Variants in UBE2O observed in about 807,000 individuals in gnomAD.
UBE2O encodes ubiquitin conjugating enzyme E2 O.
UBE2O carries 15 observed loss-of-function variants against 125.8 expected under a neutral mutation model. The observed-to-expected ratio is 0.12, with a 90% CI of 0.08 to 0.18. The LOEUF (loss-of-function observed/expected upper bound fraction) is 0.18, where lower values mean the gene tolerates loss of function less well. Ranked by LOEUF, UBE2O falls within the 10% of genes least tolerant of loss-of-function variation. The pLI is 1.00. For synonymous variants in UBE2O, 708 were observed against 703.2 expected (o/e 1.01, Z -0.11); for missense variants, 1,280 against 1,723.6 (o/e 0.74, Z 4.56).
chr17:76,407,321 C>T (rs538796747), intron 1 of UBE2O, among the ~76,000 whole-genome samples: 1 of 152,334 alleles, frequency 6.6e-6, no homozygotes, highest in Non-Finnish European at 1.5e-5. Context: ...CGTGACGGTG[C>T]CACTTTTCTA....
chr17:76,398,725 C>A lies in UBE2O; in HGVS notation c.1783+112G>T. 2.7e-6 allele frequency: 4 copies of A among 1,499,926 alleles called. No individual in the cohort carries two copies. The highest frequency in any genetic ancestry group is 3.6e-6 in the Non-Finnish European group (4 of 1,098,552). The allele number at this position is 1,499,926 out of a possible 1,614,324, so 92.9% of individuals were successfully genotyped here. ...ACCCCTTCATGAGGGCAGTCCCCTT[C>A]TGGACCTCATTTTAGCTCTGACCCC... On this transcript the variant is annotated intron_variant, in intron 10 of 17. Coordinates refer to ENST00000319380, the MANE Select transcript of UBE2O (RefSeq NM_022066.4). This position sits in a 1 kb window ranked among gnomAD's most constrained non-coding sequence, Gnocchi z 5.4.
intron 1 of UBE2O, among the ~76,000 whole-genome samples, chr17:76,450,708 G>A (rs1257188976): frequency 2.0e-5 from 3 of 151,826 alleles, no homozygotes; most frequent in Non-Finnish European, 4.4e-5. Flanking sequence ...CGCAACCTCC[G>A]CCTCCCTGGT....
At chr17:76,434,433 C>T (rs543640596) in intron 1 of UBE2O, among the ~76,000 whole-genome samples, 33 of 152,318 alleles carry the variant, frequency 2.2e-4, no homozygotes, top group African/African-American at 6.7e-4. Flanking sequence ...AATCACAGGG[C>T]ACATTTGTCT....
intron 15 of UBE2O, among the ~76,000 whole-genome samples, chr17:76,392,329 G>A (rs984907965): frequency 6.6e-6 from 1 of 151,882 alleles, no homozygotes; most frequent in Non-Finnish European, 1.5e-5. Flanking sequence ...TTTGAGACAG[G>A]GTCTTGCTGT....
chr17:76,433,532 G>C (rs1265585102), intron 1 of UBE2O, among the ~76,000 whole-genome samples: 2 of 151,350 alleles, frequency 1.3e-5, no homozygotes, highest in Non-Finnish European at 2.9e-5. Context: ...ACAACCGTTT[G>C]AGTATACTAA....
At chr17:76,441,489 A>C (rs2073074532) in intron 1 of UBE2O, among the ~76,000 whole-genome samples, 1 of 152,130 alleles carries the variant, frequency 6.6e-6, no homozygotes, top group Non-Finnish European at 1.5e-5. Context: ...GTTCATTAAC[A>C]CTGGCACTAG....
At chr17:76,415,170 C>A (rs1215823453) in intron 1 of UBE2O, among the ~76,000 whole-genome samples, 2 of 152,172 alleles carry the variant, frequency 1.3e-5, no homozygotes, top group African/African-American at 4.8e-5. Context: ...AGAGCAAGTT[C>A]ACAGCCTCAA....
intron 1 of UBE2O, among the ~76,000 whole-genome samples, chr17:76,422,969 A>G (rs2072734991): frequency 6.6e-6 from 1 of 152,248 alleles, no homozygotes. Flanking sequence ...AGGAGTGGCT[A>G]GCAATGCCTG....
Position 76,395,728 on chromosome 17 carries a change from T to C in UBE2O, c.2943A>G (p.Arg981=). 2 of 1,613,572 alleles carry C rather than the reference T, an allele frequency of 1.2e-6. No individual in the cohort carries two copies. The highest frequency in any genetic ancestry group is 1.7e-6 in the Non-Finnish European group (2 of 1,179,808). ...EGIMVKTFED[R]MDLFSALIKG... ...TGCCCATGCCAAGCCTACTTGCCAT[T>C]CTATCTTCAAAAGTCTTGACCATGA... Residue 981 remains arginine (R), a synonymous_variant, in exon 15 of 18, where the codon AGA becomes AGG. Transcript: ENST00000319380. The surrounding 1 kb of genome is among the most constrained non-coding windows in gnomAD (Gnocchi z 5.0).
At chr17:76,436,362 C>G (rs2072998432) in intron 1 of UBE2O, among the ~76,000 whole-genome samples, 1 of 151,842 alleles carries the variant, frequency 6.6e-6, no homozygotes, top group Non-Finnish European at 1.5e-5. Context: ...TTTTTTTTTA[C>G]CCACCTTTCC....
chr17:76,441,953 G>A lies in UBE2O; in HGVS notation c.417+10772C>T, dbSNP rs137957104. On this transcript the variant is annotated intron_variant, in intron 1 of 17. Coordinates refer to ENST00000319380, the MANE Select transcript of UBE2O (RefSeq NM_022066.4). Reference sequence around the variant, plus strand: ...CTGCGTTCCTGATTCATTTGCAGTCGGGTGGGGCATTCTTTTTCCAATAGA... The same window carrying A: ...CTGCGTTCCTGATTCATTTGCAGTCAGGTGGGGCATTCTTTTTCCAATAGA... Among the ~76,000 whole-genome samples, 32 of 152,332 alleles carry A rather than the reference G, an allele frequency of 2.1e-4. No homozygotes were observed. The East Asian group carries it at 3.9e-3, about 18-fold the overall frequency.
rs1305652709 is a variant in UBE2O at position 76,405,391 on chromosome 17, C to T, written c.478-75G>A. On this transcript the variant is annotated intron_variant, in intron 2 of 17. Coordinates refer to ENST00000319380, the MANE Select transcript of UBE2O (RefSeq NM_022066.4). This position sits in a 1 kb window ranked among gnomAD's most constrained non-coding sequence, Gnocchi z 6.1. The stretch of plus-strand genomic sequence containing the variant: ...ACCAGGGGAGACCCAGCCCAGGCAA[C>T]CCCAGCGCACCCCCTGCAGAGCTGG... 2.0e-6 allele frequency: 3 copies of T among 1,499,506 alleles called. No individual in the cohort carries two copies. The highest frequency in any genetic ancestry group is 1.9e-5 in the Admixed American group (1 of 53,686). The allele number at this position is 1,499,506 out of a possible 1,614,324, so 92.9% of individuals were successfully genotyped here. A position where few individuals can be genotyped will look rare whatever the true frequency, so the allele number is the denominator to read the frequency against.
chr17:76,453,103 A>T lies in UBE2O; in HGVS notation c.39T>A (p.Ala13=), dbSNP rs2073288008. 1.1e-6 allele frequency: 1 copy of T among 942,610 alleles called. No homozygotes were observed. Among genetic ancestry groups the T allele is most frequent in the African/African-American group, 1.7e-5 (1 of 57,272 alleles). 58.4% of individuals were successfully genotyped at this position (942,610 alleles called of 1,614,324 possible). A position where few individuals can be genotyped will look rare whatever the true frequency, so the allele number is the denominator to read the frequency against. ...GGGCTGGAGCCGGGGCCTGGGCTGGAGCGGGAGCTGCGGGCGTGGGGGCTG... is the reference window on the plus strand; with the variant it reads ...GGGCTGGAGCCGGGGCCTGGGCTGGTGCGGGAGCTGCGGGCGTGGGGGCTG... ...DPAAPTPAAP[A]PAQAPAPAPE... is the part of the protein sequence containing the mutation. The change falls in exon 1 of 18, where the codon GCT becomes GCA. Residue 13 remains alanine, a synonymous_variant. Coordinates refer to ENST00000319380, the MANE Select transcript of UBE2O (RefSeq NM_022066.4).
At chr17:76,443,295 A>C (rs4422008) in intron 1 of UBE2O, among the ~76,000 whole-genome samples, 17 of 151,622 alleles carry the variant, frequency 1.1e-4, no homozygotes, top group Admixed American at 3.9e-4. Context: ...ATATATATAT[A>C]TTTTTTTCCT....
intron 1 of UBE2O, among the ~76,000 whole-genome samples, chr17:76,411,845 G>A (rs546727920): frequency 6.6e-5 from 10 of 152,036 alleles, no homozygotes; most frequent in South Asian, 2.1e-4. Context: ...GCCACCACCC[G>A]GCTAATTTTA....
At position 76,399,914 on chromosome 17, in the gene UBE2O, C is replaced by T. The variant is rs199618431; in HGVS notation, c.1163G>A (p.Arg388His). The T allele has an allele frequency of 5.3e-5, 85 of 1,601,164 alleles. No individual in the cohort carries two copies. The highest frequency in any genetic ancestry group is 4.0e-5 in the African/African-American group (3 of 74,706). ...CCGCACAACCTGCTTCTTCAACAGG[C>T]GCTTCACCTGCAAGGGCGGAGCAGA... ...GEGSMAKKVK[R>H]LLKKQVVRIM... Residue 388 changes from arginine (R) to histidine (H), a missense_variant, in exon 9 of 18, where the codon CGC (arginine) becomes CAC (histidine). By Grantham distance (29) the Arg-to-His change is conservative. Around this residue, in one of 10 missense-constraint regions of UBE2O, gnomAD observed 141 missense variants for 141.3 expected, o/e 1.00. Coordinates refer to ENST00000319380, the MANE Select transcript of UBE2O (RefSeq NM_022066.4). This position sits in a 1 kb window ranked among gnomAD's most constrained non-coding sequence, Gnocchi z 6.9.
At chr17:76,437,838 A>C (rs1220738696) in intron 1 of UBE2O, among the ~76,000 whole-genome samples, 1 of 152,250 alleles carries the variant, frequency 6.6e-6, no homozygotes, top group Non-Finnish European at 1.5e-5. Context: ...ACTGTTCTAT[A>C]AATCTAAAAA....
At chr17:76,414,646 T>G (rs566069041) in intron 1 of UBE2O, among the ~76,000 whole-genome samples, 1 of 152,308 alleles carries the variant, frequency 6.6e-6, no homozygotes, top group African/African-American at 2.4e-5. Context: ...GCCAGCTTGC[T>G]GGAATGGCCT....
Position 76,400,536 on chromosome 17 carries a change from C to G in UBE2O, c.909G>C (p.Glu303Asp), listed in dbSNP as rs570307572. ...RVVVEEVQVV[E>D]LKVTWITKSF... ...TCTTGGTAATCCATGTAACTTTCAA[C>G]TCTACAACCTGCACCTGGGGATGGC... The change falls in exon 7 of 18, where the codon GAG becomes GAC. Residue 303 changes from glutamate to aspartate, a missense_variant. Coordinates refer to ENST00000319380, the MANE Select transcript of UBE2O (RefSeq NM_022066.4). The surrounding 1 kb of genome is among the most constrained non-coding windows in gnomAD (Gnocchi z 4.3). The G allele has an allele frequency of 1.9e-5, 30 of 1,612,246 alleles. No homozygotes were observed. The highest frequency in any genetic ancestry group is 2.7e-5 in the African/African-American group (2 of 74,900).
Sources: allele counts gnomAD v4.1 joint callset (sites outside exome capture counted in the v4.1 genomes callset), GRCh38; gene constraint gnomAD v4.1.1; regional missense constraint gnomAD v4.1.1; non-coding constraint Gnocchi (gnomAD v3.1); transcripts MANE v1.5; gene names NCBI Gene and HGNC (gene_info 2026-07-23, HGNC 2026-07-21).